Variants in KALRN observed in about 807,000 individuals in gnomAD.
KALRN encodes the protein kalirin RhoGEF kinase.
In KALRN, 70 loss-of-function variants were observed where a neutral mutation model predicts 353.7. The observed-to-expected ratio is 0.20, with a 90% CI of 0.16 to 0.24. KALRN has a LOEUF of 0.24. KALRN is among the 10% of genes least tolerant of loss of function. The pLI, the probability that KALRN is intolerant of heterozygous loss-of-function variation, is 1.00. For missense variants in KALRN, 2,791 were observed against 3,756.7 expected (o/e 0.74, Z 6.72); for synonymous variants, 1,391 against 1,434.8 (o/e 0.97, Z 0.69).
intron 34 of KALRN, among the ~76,000 whole-genome samples, chr3:124,573,768 C>T (rs1056397479): frequency 6.6e-6 from 1 of 152,230 alleles, no homozygotes; most frequent in Non-Finnish European, 1.5e-5. Flanking sequence ...AGTCCACCAA[C>T]AGCAGGTCCA....
rs1272828965 is a variant in KALRN, at chr3:124,298,773, C to T, written c.970-18C>T. On this transcript the variant is annotated intron_variant, in intron 5 of 59. Coordinates refer to ENST00000682506, the MANE Select transcript of KALRN (RefSeq NM_001388419.1). ...CCATGACCATTCTGATTATGCTGTG[C>T]CTTCTTGTCCTCTCTAGATGTTTGA... The T allele has an allele frequency of 1.2e-6, 2 of 1,613,972 alleles. No individual in the cohort carries two copies. The highest frequency in any genetic ancestry group is 2.2e-5 in the East Asian group (1 of 44,874).
intron 10 of KALRN, among the ~76,000 whole-genome samples, chr3:124,356,287 C>T (rs1188815298): frequency 6.6e-6 from 1 of 151,106 alleles, no homozygotes; most frequent in East Asian, 1.9e-4. Context: ...TTGCTAAATC[C>T]AAAAGACACT....
At chr3:124,552,416 T>A (rs2070660352) in intron 33 of KALRN, among the ~76,000 whole-genome samples, 1 of 152,206 alleles carries the variant, frequency 6.6e-6, no homozygotes, top group Non-Finnish European at 1.5e-5. Context: ...AGAGGAGAGC[T>A]TGGCCTCTTT....
chr3:124,448,208 A>T (rs977831443), intron 21 of KALRN, among the ~76,000 whole-genome samples: 2 of 152,110 alleles, frequency 1.3e-5, no homozygotes, highest in South Asian at 2.1e-4. Context: ...AACTGTCTTC[A>T]TATATTTCTC....
At chr3:124,305,190 CAAA>C (rs2077585446) in intron 6 of KALRN, among the ~76,000 whole-genome samples, 1 of 152,150 alleles carries the variant, frequency 6.6e-6, no homozygotes, top group African/African-American at 2.4e-5. Flanking sequence ...AATCTTTCCC[CAAA>C]GGAACTGATT....
At chr3:124,356,553 T>G (rs2083442284) in intron 10 of KALRN, among the ~76,000 whole-genome samples, 1 of 152,004 alleles carries the variant, frequency 6.6e-6, no homozygotes, top group African/African-American at 2.4e-5. Flanking sequence ...AGGCTGGTCT[T>G]GAACTCCTGA....
chr3:124,437,563 G>A (rs535656846), intron 17 of KALRN, among the ~76,000 whole-genome samples: 4 of 151,888 alleles, frequency 2.6e-5, no homozygotes, highest in South Asian at 4.2e-4. Flanking sequence ...GGTGGTGAGC[G>A]ACTGTAATCC....
chr3:124,111,296 A>G (rs1315179128), intron 1 of KALRN, among the ~76,000 whole-genome samples: 1 of 152,182 alleles, frequency 6.6e-6, no homozygotes, highest in South Asian at 2.1e-4. Flanking sequence ...TTCTTCATGC[A>G]TATATTTTAA....
intron 1 of KALRN, among the ~76,000 whole-genome samples, chr3:124,105,579 T>G (rs1212393669): frequency 6.6e-6 from 1 of 152,166 alleles, no homozygotes; most frequent in East Asian, 1.9e-4. Flanking sequence ...TTCGTGGGAA[T>G]AGAGGAGAAG....
chr3:124,462,851 A>G (rs796408806), intron 25 of KALRN, among the ~76,000 whole-genome samples: 9 of 152,300 alleles, frequency 5.9e-5, no homozygotes, highest in East Asian at 1.9e-4. Context: ...GCTCCTCCCC[A>G]TCTCTCCTCA....
Position 124,234,603 on chromosome 3 carries a change from C to T in KALRN, c.149-226C>T, listed in dbSNP as rs1475709630. On this transcript the variant is annotated intron_variant, in intron 2 of 59. Transcript: ENST00000682506. ...CCTGTAATGTGCACAGTACTGTTTT[C>T]ATCTGCCTTCTACAGATGAGGCACC... is the stretch of plus-strand genomic sequence containing the variant. Among the ~76,000 whole-genome samples, 3 of 152,212 alleles carry T rather than the reference C, an allele frequency of 2.0e-5. No homozygotes were observed. The East Asian group carries it at 5.8e-4, about 29-fold the overall frequency.
chr3:124,081,476 A>G (rs2060538489), intron 1 of KALRN, among the ~76,000 whole-genome samples: 1 of 152,184 alleles, frequency 6.6e-6, no homozygotes, highest in African/African-American at 2.4e-5. Flanking sequence ...TCAAAACATA[A>G]AAGAGGTAAA....
At chr3:124,109,438 T>C (rs1359486665) in intron 1 of KALRN, among the ~76,000 whole-genome samples, 1 of 152,082 alleles carries the variant, frequency 6.6e-6, no homozygotes, top group Non-Finnish European at 1.5e-5. Flanking sequence ...CCCTTCCCTA[T>C]TTAATTATTT....
At chr3:124,561,933 A>C (rs553297294) in intron 33 of KALRN, among the ~76,000 whole-genome samples, 1 of 152,222 alleles carries the variant, frequency 6.6e-6, no homozygotes, top group Non-Finnish European at 1.5e-5. Context: ...AAAGGGGGGA[A>C]GTGGGGCCAA....
intron 50 of KALRN, chr3:124,678,526 T>TC (rs2087457491): frequency 2.2e-6 from 1 of 461,824 alleles, no homozygotes; most frequent in Non-Finnish European, 3.9e-6. Flanking sequence ...AGTACCTTTT[T>TC]TTTCTTTTAT....
At chr3:124,623,427 C>CACACACACACACACACACACAA (rs139583497) in intron 34 of KALRN, among the ~76,000 whole-genome samples, 11 of 147,128 alleles carry the variant, frequency 7.5e-5, no homozygotes, top group Admixed American at 2.0e-4. Flanking sequence ...CACACACACA[C>CACACACACACACACACACACAA]AAAAGGGAGT....
At chr3:124,155,984 A>C (rs1197571549) in intron 1 of KALRN, among the ~76,000 whole-genome samples, 1 of 152,230 alleles carries the variant, frequency 6.6e-6, no homozygotes, top group African/African-American at 2.4e-5. Flanking sequence ...TGGGATGCTG[A>C]TAAGACAGGG....
chr3:124,579,259 C>T (rs1021526302), intron 34 of KALRN, among the ~76,000 whole-genome samples: 1 of 152,168 alleles, frequency 6.6e-6, no homozygotes, highest in African/African-American at 2.4e-5. Context: ...ACTACATCTG[C>T]AGGCTGATAC....
intron 3 of KALRN, among the ~76,000 whole-genome samples, chr3:124,253,521 T>A (rs1054381099): frequency 2.2e-4 from 33 of 152,158 alleles, no homozygotes; most frequent in Admixed American, 2.0e-3. Flanking sequence ...TTCCTCCAAG[T>A]CATCCTGCAC....
Sources: allele counts gnomAD v4.1 joint callset (sites outside exome capture counted in the v4.1 genomes callset), GRCh38; gene constraint gnomAD v4.1.1; transcripts MANE v1.5; gene names NCBI Gene and HGNC (gene_info 2026-07-23, HGNC 2026-07-21).